Variants in DGKH observed in about 807,000 individuals in gnomAD.
The protein encoded by DGKH is diacylglycerol kinase eta.
In DGKH, 90 loss-of-function variants were observed where a neutral mutation model predicts 159.3. The observed-to-expected ratio is 0.57, with a 90% CI of 0.48 to 0.67. The LOEUF is 0.67. Ranked by LOEUF, DGKH falls within the 30% of genes least tolerant of loss-of-function variation. The pLI is 0.00. For missense variants in DGKH, 1,181 were observed against 1,506.1 expected (o/e 0.78, Z 3.57); for synonymous variants, 536 against 553.8 (o/e 0.97, Z 0.45).
At chr13:42,143,379 G>C (rs1955625481) in intron 3 of DGKH, among the ~76,000 whole-genome samples, 1 of 152,082 alleles carries the variant, frequency 6.6e-6, no homozygotes, top group Non-Finnish European at 1.5e-5. Flanking sequence ...TCGTGTCTCT[G>C]CCAGGCTTTA....
chr13:42,181,852 C>CAGGTCTCAT (rs1566165938), intron 13 of DGKH: 9 of 102,354 alleles, frequency 8.8e-5, no homozygotes, highest in African/African-American at 1.5e-4. Context: ...GGCAGCTGAG[C>CAGGTCTCAT]TGCTGGTGCT....
rs114993012 is a variant in DGKH, at chr13:42,225,114, G to C, written c.3573+3720G>C. Among the ~76,000 whole-genome samples the C allele has an allele frequency of 8.7e-3, 1,325 of 152,142 alleles. 17 individuals are homozygous for C. Among genetic ancestry groups the C allele is most frequent in the African/African-American group, 0.029 (1,197 of 41,496 alleles). The stretch of plus-strand genomic sequence containing the variant: ...TATCTTTTATTTTTTGTAGAGACAG[G>C]GTCTTGCTGTGTTGTCCAGGCTGGT... On this transcript the variant is annotated intron_variant, in intron 29 of 29. Coordinates refer to ENST00000337343, the MANE Select transcript of DGKH (RefSeq NM_178009.5).
chr13:42,206,128 T>C lies in DGKH; in HGVS notation c.2583T>C (p.Gly861=). The change falls in exon 21 of 30, where the codon GGT becomes GGC. Residue 861 remains glycine, a synonymous_variant. Coordinates refer to ENST00000337343, the MANE Select transcript of DGKH (RefSeq NM_178009.5). ...PSYAGGTNFW[G]GTKEDDIFAA... ...ATGCTGGAGGCACTAACTTTTGGGG[T>C]GGAACTAAAGAGGATGATGTAAGTA... 1 of 1,441,488 alleles carries C rather than the reference T, an allele frequency of 6.9e-7. No homozygotes were observed. The highest frequency in any genetic ancestry group is 9.2e-7 in the Non-Finnish European group (1 of 1,090,112). 89.3% of individuals were successfully genotyped at this position (1,441,488 alleles called of 1,614,324 possible). A position where few individuals can be genotyped will look rare whatever the true frequency, so the allele number is the denominator to read the frequency against.
At chr13:42,073,817 G>C (rs754727585) in intron 1 of DGKH, among the ~76,000 whole-genome samples, 1 of 152,210 alleles carries the variant, frequency 6.6e-6, no homozygotes, top group Non-Finnish European at 1.5e-5. Flanking sequence ...CTCTTGAGCA[G>C]ATATGGAAGG....
At chr13:42,163,613 TG>T (rs1420558679) in intron 7 of DGKH, among the ~76,000 whole-genome samples, 1 of 152,250 alleles carries the variant, frequency 6.6e-6, no homozygotes, top group East Asian at 1.9e-4. Context: ...TGATGGCCAG[TG>T]ATAGTGAGCA....
chr13:42,223,485 G>C (rs1191945600), intron 29 of DGKH, among the ~76,000 whole-genome samples: 1 of 151,950 alleles, frequency 6.6e-6, no homozygotes, highest in Non-Finnish European at 1.5e-5. Flanking sequence ...GGTACAGCTG[G>C]GCACGGTGGC....
chr13:42,253,994 A>G (rs9594721), intron 30 of DGKH, among the ~76,000 whole-genome samples: 3,379 of 101,002 alleles, frequency 0.033, 62 homozygotes, highest in East Asian at 0.091. Flanking sequence ...GTGGGTTACC[A>G]AAAAAAAAAA....
At chr13:42,049,714 T>C (rs1881125662) in intron 1 of DGKH, among the ~76,000 whole-genome samples, 1 of 152,220 alleles carries the variant, frequency 6.6e-6, no homozygotes, top group Non-Finnish European at 1.5e-5. Flanking sequence ...TAATGAGAAG[T>C]TACCTCTGTG....
chr13:42,057,060 C>T (rs1881815326), intron 1 of DGKH, among the ~76,000 whole-genome samples: 1 of 152,024 alleles, frequency 6.6e-6, no homozygotes, highest in South Asian at 2.1e-4. Flanking sequence ...TTGAATTAAA[C>T]TTAACAAAAA....
At chr13:42,214,466 CAAA>C in intron 24 of DGKH, 38 bp from the exon 25 acceptor site, 2 of 1,587,340 alleles carry the variant, frequency 1.3e-6, no homozygotes, top group Admixed American at 1.8e-5. Context: ...GAGCAATACT[CAAA>C]AAAGTTTTTT....
chr13:42,051,845 A>G (rs945351644), intron 1 of DGKH, among the ~76,000 whole-genome samples: 9 of 151,594 alleles, frequency 5.9e-5, no homozygotes, highest in African/African-American at 2.2e-4. Flanking sequence ...TTTTATTTTT[A>G]GTAAAGATGG....
intron 20 of DGKH, among the ~76,000 whole-genome samples, chr13:42,203,159 A>G (rs925669592): frequency 4.6e-5 from 7 of 152,342 alleles, no homozygotes; most frequent in Admixed American, 4.6e-4. Flanking sequence ...TCATTTCAGT[A>G]ATAACTAGTT....
At chr13:42,111,795 G>A (rs537071503) in intron 1 of DGKH, among the ~76,000 whole-genome samples, 1 of 152,304 alleles carries the variant, frequency 6.6e-6, no homozygotes, top group South Asian at 2.1e-4. Flanking sequence ...GTCTCGCGGG[G>A]CAGACATAAC....
intron 1 of DGKH, chr13:42,070,787 T>C: frequency 6.5e-7 from 1 of 1,537,652 alleles, no homozygotes; most frequent in South Asian, 1.2e-5. Flanking sequence ...ATGTAAACAC[T>C]GTTTAGTTCC....
At chr13:42,085,972 G>A (rs1314048620) in intron 1 of DGKH, among the ~76,000 whole-genome samples, 3 of 151,892 alleles carry the variant, frequency 2.0e-5, no homozygotes, top group Non-Finnish European at 4.4e-5. Context: ...CTAGGCTGGA[G>A]TGCGTAGTAC....
intron 26 of DGKH, among the ~76,000 whole-genome samples, chr13:42,217,497 C>A (rs1957830901): frequency 6.6e-6 from 1 of 152,078 alleles, no homozygotes; most frequent in South Asian, 2.1e-4. Context: ...CCCGTCTCGG[C>A]CTCCCAGAGT....
intron 1 of DGKH, chr13:42,071,136 C>T: frequency 2.9e-6 from 2 of 693,842 alleles, no homozygotes; most frequent in East Asian, 2.9e-5. Flanking sequence ...AATTGTTGAA[C>T]TTGTGTAAAC....
intron 13 of DGKH, among the ~76,000 whole-genome samples, chr13:42,185,414 A>T (rs958412227): frequency 6.6e-6 from 1 of 152,152 alleles, no homozygotes; most frequent in African/African-American, 2.4e-5. Flanking sequence ...CCTCAGTGAC[A>T]TGGCACACTG....
intron 1 of DGKH, among the ~76,000 whole-genome samples, chr13:42,106,010 T>A (rs9562376): frequency 0.016 from 2,410 of 151,960 alleles, 59 homozygotes; most frequent in East Asian, 0.092. Flanking sequence ...TTTTTTTTTT[T>A]AATTTTTTTT....
Sources: allele counts gnomAD v4.1 joint callset (sites outside exome capture counted in the v4.1 genomes callset), GRCh38; gene constraint gnomAD v4.1.1; transcripts MANE v1.5; gene names NCBI Gene and HGNC (gene_info 2026-07-23, HGNC 2026-07-21).